PDE10A: variants seen among roughly 807,000 people sequenced by gnomAD.
PDE10A encodes cAMP and cAMP-inhibited cGMP 3',5'-cyclic phosphodiesterase 10A.
PDE10A carries 39 observed loss-of-function variants against 97.7 expected under a neutral mutation model. That is an observed-to-expected ratio of 0.40 (90% confidence interval 0.31 to 0.52). The LOEUF is 0.52. Ranked by LOEUF, PDE10A falls within the 20% of genes least tolerant of loss-of-function variation. The pLI, the probability that PDE10A is intolerant of heterozygous loss-of-function variation, is 0.56. For missense variants in PDE10A, 731 were observed against 1,047.8 expected, an observed-to-expected ratio of 0.70 and a Z score of 4.17; for synonymous variants, 371 against 376.8, an observed-to-expected ratio of 0.98 and a Z score of 0.18.
intron 20 of PDE10A, among the ~76,000 whole-genome samples, chr6:165,336,781 T>A (rs904890328): frequency 0.012 from 1,532 of 125,096 alleles, 23 homozygotes; most frequent in African/African-American, 0.04. Flanking sequence ...AAAAAAAAAA[T>A]ACCTACTGAA....
chr6:165,748,564 T>C (rs1002680932), intron 1 of PDE10A, among the ~76,000 whole-genome samples: 1 of 152,182 alleles, frequency 6.6e-6, no homozygotes. Context: ...GTCAAGGACA[T>C]GATATAAATA....
chr6:165,937,128 A>G (rs1411369437), intron 1 of PDE10A, among the ~76,000 whole-genome samples: 9 of 152,178 alleles, frequency 5.9e-5, no homozygotes, highest in African/African-American at 2.2e-4. Flanking sequence ...AGCATCCCAG[A>G]GGTCTTAGAC....
chr6:165,707,459 C>A (rs558097311), intron 1 of PDE10A, among the ~76,000 whole-genome samples: 1 of 152,310 alleles, frequency 6.6e-6, no homozygotes, highest in South Asian at 2.1e-4. Flanking sequence ...GTTGAGAAAC[C>A]GCAGTTTTCA....
chr6:165,976,763 ACAC>A (rs1479391472), intron 1 of PDE10A, among the ~76,000 whole-genome samples: 1 of 152,036 alleles, frequency 6.6e-6, no homozygotes, highest in East Asian at 1.9e-4. Context: ...CTTCCACCAC[ACAC>A]CACACCAGCT....
intron 1 of PDE10A, among the ~76,000 whole-genome samples, chr6:165,757,959 T>A (rs926856219): frequency 2.2e-4 from 33 of 152,198 alleles, no homozygotes; most frequent in African/African-American, 8.0e-4. Context: ...AATTCCAAGC[T>A]TATTTGAGGT....
At chr6:165,864,074 C>G (rs1780977019) in intron 1 of PDE10A, among the ~76,000 whole-genome samples, 1 of 152,136 alleles carries the variant, frequency 6.6e-6, no homozygotes, top group Non-Finnish European at 1.5e-5. Flanking sequence ...CCCAAGGACC[C>G]TGCTTGTCAT....
At chr6:165,976,854 G>A (rs968342052) in intron 1 of PDE10A, among the ~76,000 whole-genome samples, 8 of 152,138 alleles carry the variant, frequency 5.3e-5, no homozygotes, top group Admixed American at 3.9e-4. Flanking sequence ...CGGGCTGTGC[G>A]CCATGCCATC....
intron 1 of PDE10A, among the ~76,000 whole-genome samples, chr6:165,944,843 T>C (rs1055975082): frequency 2.6e-5 from 4 of 152,190 alleles, no homozygotes; most frequent in Non-Finnish European, 5.9e-5. Flanking sequence ...AAAAAAAGTA[T>C]CTTCTATACT....
intron 1 of PDE10A, among the ~76,000 whole-genome samples, chr6:165,703,813 G>A (rs1791639076): frequency 1.3e-5 from 2 of 152,114 alleles, no homozygotes; most frequent in South Asian, 4.2e-4. Flanking sequence ...ATCAGCTATG[G>A]GACAGCCAGG....
At chr6:165,361,702 T>C (rs513240) in intron 18 of PDE10A, among the ~76,000 whole-genome samples, 38,341 of 151,940 alleles carry the variant, frequency 0.25, 5,241 homozygotes, top group African/African-American at 0.34. Context: ...GAGGCAGAGA[T>C]TGGAGTGATA....
At chr6:165,568,146 C>T (rs184929668) in intron 1 of PDE10A, among the ~76,000 whole-genome samples, 2 of 151,928 alleles carry the variant, frequency 1.3e-5, no homozygotes, top group East Asian at 1.9e-4. Context: ...CTACAAGCGC[C>T]CGCCACCACG....
At chr6:165,974,139 T>C (rs868456091) in intron 1 of PDE10A, among the ~76,000 whole-genome samples, 16 of 152,266 alleles carry the variant, frequency 1.1e-4, no homozygotes, top group Admixed American at 3.9e-4. Flanking sequence ...TGCAGATATG[T>C]AGAGTTTTAT....
intron 1 of PDE10A, among the ~76,000 whole-genome samples, chr6:165,961,767 C>T (rs1784367730): frequency 6.6e-6 from 1 of 152,248 alleles, no homozygotes; most frequent in Non-Finnish European, 1.5e-5. Context: ...TTAAGGAAGA[C>T]ATGCCCGCTT....
chr6:165,680,806 C>T (rs1790955101), intron 1 of PDE10A, among the ~76,000 whole-genome samples: 1 of 152,142 alleles, frequency 6.6e-6, no homozygotes, highest in Non-Finnish European at 1.5e-5. Flanking sequence ...ATCGCTCGAA[C>T]CCTGAAGGCG....
At chr6:165,800,474 C>A (rs568339184) in intron 1 of PDE10A, among the ~76,000 whole-genome samples, 35 of 152,302 alleles carry the variant, frequency 2.3e-4, no homozygotes, top group African/African-American at 8.2e-4. Context: ...GTGTGAGCGT[C>A]CCTCTGGCCC....
chr6:165,755,119 T>C (rs552215745), intron 1 of PDE10A, among the ~76,000 whole-genome samples: 2 of 152,328 alleles, frequency 1.3e-5, no homozygotes, highest in African/African-American at 4.8e-5. Flanking sequence ...GATGGACTTG[T>C]GTCATCTACT....
At chr6:165,498,997 T>G (rs975218218) in intron 2 of PDE10A, among the ~76,000 whole-genome samples, 2 of 152,174 alleles carry the variant, frequency 1.3e-5, no homozygotes, top group African/African-American at 4.8e-5. Context: ...TAGAGGAAAT[T>G]TATAATATTA....
intron 1 of PDE10A, among the ~76,000 whole-genome samples, chr6:165,678,430 T>C (rs1790886750): frequency 6.7e-6 from 1 of 150,366 alleles, no homozygotes; most frequent in Admixed American, 6.6e-5. Context: ...TTCTGTATTC[T>C]TGAAAAAAAA....
chr6:165,850,051 C>T (rs1020235643), intron 1 of PDE10A, among the ~76,000 whole-genome samples: 2 of 152,168 alleles, frequency 1.3e-5, no homozygotes, highest in African/African-American at 4.8e-5. Context: ...ACTTTAATCA[C>T]ACGGAATCTT....
Sources: gnomAD v4.1 joint callset for allele counts (sites outside exome capture counted in the v4.1 genomes callset) on GRCh38, gnomAD v4.1.1 for gene constraint, MANE v1.5 for transcripts, NCBI Gene and HGNC (gene_info 2026-07-23, HGNC 2026-07-21) for gene names.